CTNNA3: variants seen among roughly 807,000 people sequenced by gnomAD.
CTNNA3 encodes the protein catenin alpha 3, also known as catenin alpha-3.
Under a neutral mutation model 95.7 loss-of-function variants are expected in CTNNA3, and 76 were observed. The ratio of observed to expected loss-of-function variants is 0.79; its 90% CI spans 0.66 to 0.96. The LOEUF (loss-of-function observed/expected upper bound fraction) is 0.96. Among genes scored for constraint, CTNNA3 ranks in the 40% least tolerant of loss-of-function variants. The probability of loss-of-function intolerance (pLI) is 0.00; values close to 1 mark genes in which losing one functional copy is unlikely to be tolerated. For synonymous variants in CTNNA3, 431 were observed against 374.4 expected, an observed-to-expected ratio of 1.15 and a Z score of -1.74; for missense variants, 1,191 against 1,089.8, an observed-to-expected ratio of 1.09 and a Z score of -1.31.
chr10:66,633,553 A>G (rs529853230), intron 9 of CTNNA3, among the ~76,000 whole-genome samples: 28 of 152,042 alleles, frequency 1.8e-4, no homozygotes, highest in South Asian at 1.0e-3. Context: ...GGTGGCGGGC[A>G]CTTGTAGTCC....
At chr10:66,135,568 C>G (rs1294229254) in intron 13 of CTNNA3, among the ~76,000 whole-genome samples, 4 of 152,076 alleles carry the variant, frequency 2.6e-5, no homozygotes, top group Non-Finnish European at 5.9e-5. Context: ...ATTTTGCTAC[C>G]AGTAATGTAC....
chr10:66,172,145 T>C (rs2085463691), intron 13 of CTNNA3, among the ~76,000 whole-genome samples: 1 of 152,188 alleles, frequency 6.6e-6, no homozygotes, highest in Admixed American at 6.5e-5. Flanking sequence ...ATATGATTGA[T>C]GTTATATGCT....
At chr10:67,036,756 A>T (rs1172380879) in intron 7 of CTNNA3, among the ~76,000 whole-genome samples, 1 of 152,114 alleles carries the variant, frequency 6.6e-6, no homozygotes. Context: ...TCTTTTTTCA[A>T]TTCTAGAGAT....
rs1839919685 is a variant in CTNNA3, at chr10:67,652,974, A to C, written c.-5-5456T>G. ...GCCTTCAGTCAGGTGTCCCTGTATT[A>C]AGCTATTCTTGTATTGCTATAAGAA... On this transcript the variant is annotated intron_variant, in intron 1 of 17. Transcript: ENST00000433211. Among the ~76,000 whole-genome samples, 3 of 152,350 alleles carry C rather than the reference A, an allele frequency of 2.0e-5. No individual in the cohort carries two copies. In the South Asian group the frequency reaches 6.2e-4, roughly 32 times the overall value.
chr10:67,630,565 C>A (rs1408766474), intron 2 of CTNNA3, among the ~76,000 whole-genome samples: 1 of 152,080 alleles, frequency 6.6e-6, no homozygotes, highest in African/African-American at 2.4e-5. Context: ...CTTGCTTATG[C>A]TGACTAATAC....
intron 5 of CTNNA3, among the ~76,000 whole-genome samples, chr10:67,444,017 G>A (rs1246075018): frequency 6.6e-6 from 1 of 152,114 alleles, no homozygotes; most frequent in African/African-American, 2.4e-5. Context: ...ACAAAGAAAT[G>A]TAATATTTAA....
At chr10:66,142,337 T>A (rs12260729) in intron 13 of CTNNA3, among the ~76,000 whole-genome samples, 1 of 152,150 alleles carries the variant, frequency 6.6e-6, no homozygotes, top group Non-Finnish European at 1.5e-5. Context: ...GGTCTATTTC[T>A]GGGCTCTGTA....
At chr10:67,281,607 T>C (rs1486206871) in intron 5 of CTNNA3, among the ~76,000 whole-genome samples, 1 of 152,154 alleles carries the variant, frequency 6.6e-6, no homozygotes, top group Non-Finnish European at 1.5e-5. Flanking sequence ...AGGGACTCCT[T>C]ATTAGTTAAG....
intron 13 of CTNNA3, among the ~76,000 whole-genome samples, chr10:66,126,532 G>A (rs1453311962): frequency 1.3e-5 from 2 of 152,100 alleles, no homozygotes; most frequent in African/African-American, 4.8e-5. Flanking sequence ...TTTGGTTTCT[G>A]ATACCATTCA....
chr10:67,595,033 C>T (rs1842897346), intron 3 of CTNNA3, among the ~76,000 whole-genome samples: 1 of 152,180 alleles, frequency 6.6e-6, no homozygotes, highest in Non-Finnish European at 1.5e-5. Flanking sequence ...TCTCCAGCTC[C>T]ATCCAAGTTG....
intron 12 of CTNNA3, among the ~76,000 whole-genome samples, chr10:66,335,034 C>T (rs1230425210): frequency 6.6e-6 from 1 of 152,052 alleles, no homozygotes; most frequent in African/African-American, 2.4e-5. Flanking sequence ...GCTACTGAGG[C>T]TTATGCATTT....
intron 3 of CTNNA3, among the ~76,000 whole-genome samples, chr10:67,579,365 C>A (rs1842296461): frequency 6.6e-6 from 1 of 152,030 alleles, no homozygotes; most frequent in African/African-American, 2.4e-5. Flanking sequence ...CATCCATGTC[C>A]CTACAAAGGA....
chr10:67,722,236 G>A (rs1324107777), intron 1 of CTNNA3, among the ~76,000 whole-genome samples: 3 of 152,144 alleles, frequency 2.0e-5, no homozygotes, highest in African/African-American at 4.8e-5. Context: ...CAGGATCTCT[G>A]ACTATTAGTT....
intron 15 of CTNNA3, among the ~76,000 whole-genome samples, chr10:66,020,239 A>C (rs182739635): frequency 6.6e-6 from 1 of 152,344 alleles, no homozygotes; most frequent in African/African-American, 2.4e-5. Context: ...CCAGGAAGCT[A>C]AGTGCAAAAG....
In CTNNA3 at chr10:65,996,562, C is replaced by T. The variant is rs999996129; in HGVS notation, c.2160-7765G>A. 2.4e-4 allele frequency among the ~76,000 whole-genome samples: 36 copies of T among 152,114 alleles called. 1 individual carries two copies. Among genetic ancestry groups the T allele is most frequent in the African/African-American group, 8.2e-4 (34 of 41,428 alleles). On this transcript the variant is annotated intron_variant, in intron 15 of 17. Transcript: ENST00000433211. Reference sequence around the variant, plus strand: ...TCATAATGACACTGTGCTACAACTGCTTAGGACTCAGGGTGTTTGTGGGAC... The same window carrying T: ...TCATAATGACACTGTGCTACAACTGTTTAGGACTCAGGGTGTTTGTGGGAC...
chr10:67,194,568 G>C (rs1186039328), intron 6 of CTNNA3, among the ~76,000 whole-genome samples: 1 of 150,982 alleles, frequency 6.6e-6, no homozygotes, highest in South Asian at 2.1e-4. Context: ...AGCAAGGAGG[G>C]ATGGAGGAAC....
intron 11 of CTNNA3, among the ~76,000 whole-genome samples, chr10:66,510,367 A>G (rs145627846): frequency 5.1e-4 from 77 of 151,966 alleles, no homozygotes; most frequent in African/African-American, 1.8e-3. Flanking sequence ...CTCTTTTCCA[A>G]TGTGGATGGC....
chr10:67,405,316 C>T (rs779471880), intron 5 of CTNNA3, among the ~76,000 whole-genome samples: 53 of 152,126 alleles, frequency 3.5e-4, no homozygotes, highest in Non-Finnish European at 6.9e-4. Context: ...CACGCAAAAA[C>T]ATACACAGGC....
intron 12 of CTNNA3, among the ~76,000 whole-genome samples, chr10:66,359,013 A>T (rs2394203): frequency 1.3e-5 from 2 of 152,148 alleles, no homozygotes; most frequent in Non-Finnish European, 2.9e-5. Context: ...ACAGTTAAAC[A>T]ACTGAAAGAT....
Sources: allele counts gnomAD v4.1 joint callset (sites outside exome capture counted in the v4.1 genomes callset), GRCh38; gene constraint gnomAD v4.1.1; transcripts MANE v1.5; gene names NCBI Gene and HGNC (gene_info 2026-07-23, HGNC 2026-07-21).